The following ZMYND8 variants were observed in gnomAD, a reference collection of about 807,000 sequenced individuals.
The protein encoded by ZMYND8 is MYND-type zinc finger-containing chromatin reader ZMYND8.
A neutral mutation model predicts 140.8 loss-of-function variants in ZMYND8; 37 were observed. The observed-to-expected ratio is 0.26, with a 90% CI of 0.20 to 0.35. The LOEUF is 0.35. ZMYND8 is among the 10% of genes least tolerant of loss of function. The pLI, the probability that ZMYND8 is intolerant of heterozygous loss-of-function variation, is 1.00. For missense variants in ZMYND8, 1,068 were observed against 1,570.0 expected (o/e 0.68, Z 5.40); for synonymous variants, 592 against 597.1 (o/e 0.99, Z 0.12).
intron 12 of ZMYND8, among the ~76,000 whole-genome samples, chr20:47,260,123 G>A (rs1400604301): frequency 1.3e-5 from 2 of 152,172 alleles, no homozygotes; most frequent in African/African-American, 2.4e-5. Context: ...TCTACATTTT[G>A]TAGGATGTTG....
chr20:47,296,052 C>T (rs200235664), intron 4 of ZMYND8, among the ~76,000 whole-genome samples: 3 of 151,842 alleles, frequency 2.0e-5, no homozygotes, highest in Non-Finnish European at 4.4e-5. Flanking sequence ...CAGTGCATGA[C>T]GCATGCATCT....
chr20:47,224,890 A>C (rs994918478), intron 18 of ZMYND8, among the ~76,000 whole-genome samples: 7 of 148,008 alleles, frequency 4.7e-5, no homozygotes, highest in African/African-American at 1.5e-4. Context: ...TTTCTATCCT[A>C]TTATTCATTA....
intron 14 of ZMYND8, among the ~76,000 whole-genome samples, chr20:47,242,927 G>T (rs2040147193): frequency 6.6e-6 from 1 of 152,156 alleles, no homozygotes. Context: ...CAGCACCTGA[G>T]AAGCTGCCCT....
intron 8 of ZMYND8, chr20:47,285,930 C>A: frequency 2.6e-6 from 2 of 774,722 alleles, no homozygotes; most frequent in Non-Finnish European, 3.1e-6. Context: ...GTGGCTGAGG[C>A]CTATATTCCC....
rs910073441 is a variant in ZMYND8, at chr20:47,285,552, T to C, written c.804+1677A>G. The C allele has an allele frequency of 3.4e-5, 15 of 447,088 alleles. 1 individual carries two copies. The highest frequency in any genetic ancestry group is 8.6e-5 in the African/African-American group (4 of 46,726). 27.7% of individuals were successfully genotyped at this position (447,088 alleles called of 1,614,324 possible). A position where few individuals can be genotyped will look rare whatever the true frequency, so the allele number is the denominator to read the frequency against. On this transcript the variant is annotated intron_variant, in intron 8 of 22. Coordinates refer to ENST00000471951, the MANE Select transcript of ZMYND8 (RefSeq NM_001281775.3). ...GGGCAGGGGGGCACATATTTACATATAGTTTTGTAATTACAACTCCCAATA... is the reference window on the plus strand; with the variant it reads ...GGGCAGGGGGGCACATATTTACATACAGTTTTGTAATTACAACTCCCAATA...
rs752918266 is a variant in ZMYND8 at position 47,310,167 on chromosome 20, C to A, written c.123G>T (p.Lys41Asn). Reference protein sequence around the residue: ...GSAERTAQKRKFPSPPHSSNG... With the variant: ...GSAERTAQKRNFPSPPHSSNG... ...TGGAAGAATGTGGAGGGCTGGGGAA[C>A]TTTCTTTTCTGGGCTGTTCTCTCTG... Residue 41 changes from lysine to asparagine, a missense_variant, in exon 3 of 23, where the codon AAG becomes AAT. This residue lies in a region of ZMYND8 where 77 missense variants were observed against 85.1 expected (regional missense o/e 0.91). Transcript: ENST00000471951. 3.7e-6 allele frequency: 6 copies of A among 1,612,386 alleles called. No homozygotes were observed. The East Asian group carries it at 1.3e-4, about 36-fold the overall frequency.
chr20:47,252,037 G>T (rs1473212704), intron 12 of ZMYND8, among the ~76,000 whole-genome samples: 2 of 152,060 alleles, frequency 1.3e-5, no homozygotes. Context: ...GTTCACGCCT[G>T]TAATCCAGCA....
intron 2 of ZMYND8, among the ~76,000 whole-genome samples, chr20:47,336,658 G>A (rs1164686832): frequency 6.6e-6 from 1 of 152,238 alleles, no homozygotes; most frequent in African/African-American, 2.4e-5. Context: ...GTCTCGCACA[G>A]GGAATGCAAA....
chr20:47,356,555 G>A (rs1487072092), intron 1 of ZMYND8, 102 bp downstream of exon 1: 7 of 1,613,508 alleles, frequency 4.3e-6, no homozygotes, highest in Non-Finnish European at 5.9e-6. Context: ...TGCTCTGGGG[G>A]TGAGTGTGGC....
At chr20:47,244,634 C>T (rs1246995588) in intron 14 of ZMYND8, among the ~76,000 whole-genome samples, 1 of 152,234 alleles carries the variant, frequency 6.6e-6, no homozygotes, top group Non-Finnish European at 1.5e-5. Flanking sequence ...GTAAGGTTGC[C>T]ATCTGGCTGG....
At chr20:47,302,452 A>G (rs2078128947) in intron 3 of ZMYND8, among the ~76,000 whole-genome samples, 1 of 152,194 alleles carries the variant, frequency 6.6e-6, no homozygotes, top group African/African-American at 2.4e-5. Flanking sequence ...GCGAGACATC[A>G]TCTCAAAAAA....
rs578156089 is a variant in ZMYND8 at position 47,242,703 on chromosome 20, G to A, written c.2284+3305C>T. On this transcript the variant is annotated intron_variant, in intron 14 of 22. Transcript: ENST00000471951. The stretch of plus-strand genomic sequence containing the variant: ...CTGCAGTGATCACAGCTGGCTCTCT[G>A]CCAAATAAAGAACTAGAGTATACAA... Among the ~76,000 whole-genome samples the A allele has an allele frequency of 3.8e-4, 58 of 152,332 alleles. No homozygotes were observed. In the South Asian group the frequency reaches 0.012, roughly 31 times the overall value.
Position 47,276,451 on chromosome 20 carries a change from T to C in ZMYND8, c.1343A>G (p.Asp448Gly), listed in dbSNP as rs747813501. 2 of 1,613,994 alleles carry C rather than the reference T, an allele frequency of 1.2e-6. No individual in the cohort carries two copies. Among genetic ancestry groups the C allele is most frequent in the South Asian group, 1.1e-5 (1 of 91,074 alleles). ...GGTGRRISLS[D>G]MPRSPMSTNS... Reference sequence around the variant, plus strand: ...TGTGCTCATGGGGGAGCGCGGCATATCCGACAAGGAAATCCGGCGGCCTGT... The same window carrying C: ...TGTGCTCATGGGGGAGCGCGGCATACCCGACAAGGAAATCCGGCGGCCTGT... Residue 448 changes from aspartate to glycine, a missense_variant, in exon 11 of 23, where the codon GAT becomes GGT. This residue lies in a region of ZMYND8 where 173 missense variants were observed against 223.3 expected (regional missense o/e 0.77). Coordinates refer to ENST00000471951, the MANE Select transcript of ZMYND8 (RefSeq NM_001281775.3).
At chr20:47,353,071 GGA>G (rs1459591894) in intron 1 of ZMYND8, 1 of 152,184 alleles carries the variant, frequency 6.6e-6, no homozygotes, top group Non-Finnish European at 1.5e-5. Context: ...CTCTGCCACA[GGA>G]GAGAGAAGGG....
Position 47,236,429 on chromosome 20 carries a change from C to T in ZMYND8, c.2753G>A (p.Ser918Asn), listed in dbSNP as rs759864373. ...TSTQSSPLVT[S>N]SGSMSTLVSS... Reference sequence around the variant, plus strand: ...CACAAGGGTGCTCATGGACCCCGAGCTGGTGACCAGGGGCGATGACTGTGT... The same window carrying T: ...CACAAGGGTGCTCATGGACCCCGAGTTGGTGACCAGGGGCGATGACTGTGT... Residue 918 changes from serine (S) to asparagine (N), a missense_variant, in exon 16 of 23, where the codon AGC becomes AAC. By Grantham distance (46) the Ser-to-Asn change is conservative. This residue lies in a region of ZMYND8 where 383 missense variants were observed against 431.2 expected (regional missense o/e 0.89). Coordinates refer to ENST00000471951, the MANE Select transcript of ZMYND8 (RefSeq NM_001281775.3). 2.5e-6 allele frequency: 4 copies of T among 1,614,096 alleles called. No individual in the cohort carries two copies. Among genetic ancestry groups the T allele is most frequent in the Middle Eastern group, 1.6e-4 (1 of 6,062 alleles).
At position 47,210,909 on chromosome 20, in the gene ZMYND8, A is replaced by AACCAATGTGTTT; in HGVS notation, c.3569-24_3569-13dup. 8 of 1,612,688 alleles carry AACCAATGTGTTT rather than the reference A, an allele frequency of 5.0e-6. No individual in the cohort carries two copies. Among genetic ancestry groups the AACCAATGTGTTT allele is most frequent in the Middle Eastern group, 1.7e-4 (1 of 6,056 alleles). ...ACTCCGGGAATGGTCTGAGGGGGAA[A>AACCAATGTGTTT]ACCAATGTGTTTAGCGTGCCTGCCC... is the stretch of plus-strand genomic sequence containing the variant. On this transcript the variant is annotated splice_polypyrimidine_tract_variant and intron_variant, in intron 22 of 22. Transcript: ENST00000471951.
At chr20:47,213,301 G>C (rs146463114) in intron 21 of ZMYND8, among the ~76,000 whole-genome samples, 55 of 152,296 alleles carry the variant, frequency 3.6e-4, no homozygotes, top group African/African-American at 9.6e-4. Context: ...AAAAAACAGT[G>C]ATATGAAAGG....
chr20:47,239,945 A>G (rs1412494992), intron 14 of ZMYND8, among the ~76,000 whole-genome samples: 3 of 152,188 alleles, frequency 2.0e-5, no homozygotes, highest in East Asian at 1.9e-4. Context: ...TTTTTTTACT[A>G]AAAAAATGAG....
intron 2 of ZMYND8, among the ~76,000 whole-genome samples, chr20:47,331,354 AGAAAAT>A (rs376875253): frequency 7.7e-4 from 118 of 152,260 alleles, no homozygotes; most frequent in African/African-American, 2.6e-3. Context: ...CGATATTGTA[AGAAAAT>A]GACACAAAAG....
Sources: allele counts gnomAD v4.1 joint callset (sites outside exome capture counted in the v4.1 genomes callset), GRCh38; gene constraint gnomAD v4.1.1; regional missense constraint gnomAD v4.1.1; transcripts MANE v1.5; gene names NCBI Gene and HGNC (gene_info 2026-07-23, HGNC 2026-07-21).